The following GPR176 variants were observed in gnomAD, a reference collection of about 807,000 sequenced individuals.
The protein encoded by GPR176 is G-protein coupled receptor 176.
GPR176 carries 26 observed loss-of-function variants against 35.4 expected under a neutral mutation model. The ratio of observed to expected loss-of-function variants is 0.74; its 90% CI spans 0.54 to 1.02. The LOEUF is 1.02. Ranked by LOEUF, GPR176 falls within the 50% of genes least tolerant of loss-of-function variation. The pLI is 0.00. For missense variants in GPR176, 597 were observed against 665.3 expected (o/e 0.90, Z 1.13); for synonymous variants, 278 against 271.3 (o/e 1.02, Z -0.24).
intron 1 of GPR176, among the ~76,000 whole-genome samples, chr15:39,900,100 G>T (rs275725): frequency 0.4 from 61,327 of 151,710 alleles, 12,811 homozygotes; most frequent in African/African-American, 0.5. Context: ...ATTAAAACAT[G>T]TTAGTTAAAT....
Position 39,842,691 on chromosome 15 carries a change from C to G in GPR176, c.173-35433G>C, listed in dbSNP as rs192235050. Among the ~76,000 whole-genome samples, 42 of 152,254 alleles carry G rather than the reference C, an allele frequency of 2.8e-4. 2 individuals carry two copies. Among genetic ancestry groups the G allele is most frequent in the Admixed American group, 2.6e-3 (40 of 15,286 alleles). Reference sequence around the variant, plus strand: ...CATGGGCTCTCATCAGACACTGAATCTGCCTCTAAGATCAGACACTGATCT... The same window carrying G: ...CATGGGCTCTCATCAGACACTGAATGTGCCTCTAAGATCAGACACTGATCT... On this transcript the variant is annotated intron_variant, in intron 1 of 2. Coordinates refer to ENST00000561100, the MANE Select transcript of GPR176 (RefSeq NM_007223.3).
intron 1 of GPR176, among the ~76,000 whole-genome samples, chr15:39,848,211 A>G (rs577317473): frequency 6.6e-6 from 1 of 152,324 alleles, no homozygotes; most frequent in East Asian, 1.9e-4. Context: ...CAGAACAAAG[A>G]AAATTACCAG....
At chr15:39,894,167 C>T (rs1320979369) in intron 1 of GPR176, among the ~76,000 whole-genome samples, 1 of 127,778 alleles carries the variant, frequency 7.8e-6, no homozygotes, top group East Asian at 2.5e-4. Context: ...GATGGGGCGG[C>T]TGGCCTGGCA....
intron 1 of GPR176, among the ~76,000 whole-genome samples, chr15:39,857,009 G>A (rs2031265831): frequency 6.6e-6 from 1 of 152,118 alleles, no homozygotes; most frequent in South Asian, 2.1e-4. Context: ...TTGAGTTTGG[G>A]GAAGATTCCA....
chr15:39,848,197 AC>A (rs1181356844), intron 1 of GPR176, among the ~76,000 whole-genome samples: 2 of 152,184 alleles, frequency 1.3e-5, no homozygotes, highest in Non-Finnish European at 2.9e-5. Flanking sequence ...ATATCAATAG[AC>A]TTCAGAACAA....
At position 39,881,588 on chromosome 15, in the gene GPR176, A is replaced by G. The variant is rs79886926; in HGVS notation, c.172+38267T>C. 2.8e-3 allele frequency among the ~76,000 whole-genome samples: 424 copies of G among 152,342 alleles called. 18 individuals are homozygous for G. In the East Asian group the frequency reaches 0.071, roughly 26 times the overall value. The stretch of plus-strand genomic sequence containing the variant: ...TCATCACACTCACCACAATCTTAAA[A>G]GCAGTACTGAGTGCAACTGGTCCCT... On this transcript the variant is annotated intron_variant, in intron 1 of 2. Transcript: ENST00000561100.
intron 1 of GPR176, among the ~76,000 whole-genome samples, chr15:39,906,171 T>C (rs1216860584): frequency 6.6e-6 from 1 of 152,250 alleles, no homozygotes; most frequent in Non-Finnish European, 1.5e-5. Flanking sequence ...CTTTGACTTA[T>C]TTGTAAAACC....
chr15:39,883,078 A>T (rs1317892653), intron 1 of GPR176, among the ~76,000 whole-genome samples: 1 of 152,158 alleles, frequency 6.6e-6, no homozygotes, highest in Admixed American at 6.5e-5. Context: ...AGACTTGTAG[A>T]CTTCGTACGT....
intron 1 of GPR176, among the ~76,000 whole-genome samples, chr15:39,837,774 C>T (rs148763968): frequency 6.6e-6 from 1 of 152,040 alleles, no homozygotes; most frequent in Admixed American, 6.6e-5. Flanking sequence ...AGCTCATTAA[C>T]TCTTCAAGGA....
intron 1 of GPR176, among the ~76,000 whole-genome samples, chr15:39,822,597 C>T (rs1040110584): frequency 1.3e-5 from 2 of 152,192 alleles, no homozygotes; most frequent in Non-Finnish European, 2.9e-5. Context: ...TCAGATTTTA[C>T]TTACCCTTCC....
intron 1 of GPR176, among the ~76,000 whole-genome samples, chr15:39,848,164 G>C (rs560280552): frequency 2.0e-5 from 3 of 152,188 alleles, no homozygotes; most frequent in Admixed American, 6.5e-5. Context: ...CATGAGATTT[G>C]GGTAAGGACA....
At chr15:39,892,825 G>A (rs2032926333) in intron 1 of GPR176, among the ~76,000 whole-genome samples, 1 of 152,212 alleles carries the variant, frequency 6.6e-6, no homozygotes, top group Non-Finnish European at 1.5e-5. Context: ...TCTGGTCTCT[G>A]GAACTGTGAG....
intron 1 of GPR176, among the ~76,000 whole-genome samples, chr15:39,869,405 C>T (rs1416806881): frequency 2.0e-5 from 3 of 152,208 alleles, no homozygotes; most frequent in Admixed American, 6.5e-5. Flanking sequence ...CATGACATCG[C>T]TACCGAGCTG....
At chr15:39,811,881 A>G (rs1321282144) in intron 1 of GPR176, among the ~76,000 whole-genome samples, 2 of 150,804 alleles carry the variant, frequency 1.3e-5, no homozygotes, top group South Asian at 2.1e-4. Context: ...GCGCCATTGC[A>G]CTCCAGCCTG....
chr15:39,920,153 G>A lies in GPR176; in HGVS notation c.-127C>T. On this transcript the variant is annotated 5_prime_UTR_variant, in exon 1 of 3. Coordinates refer to ENST00000561100, the MANE Select transcript of GPR176 (RefSeq NM_007223.3). ...TCCTGGAGAAGCCGGAGCAGCCGACGGGTCCCCTCACGTCTCCACATCGCC... is the reference window on the plus strand; with the variant it reads ...TCCTGGAGAAGCCGGAGCAGCCGACAGGTCCCCTCACGTCTCCACATCGCC... The A allele has an allele frequency of 3.4e-6, 2 of 593,756 alleles. No individual in the cohort carries two copies. The highest frequency in any genetic ancestry group is 5.0e-6 in the Non-Finnish European group (2 of 398,748). The allele number at this position is 593,756 out of a possible 1,614,324, so 36.8% of individuals were successfully genotyped here.
intron 1 of GPR176, among the ~76,000 whole-genome samples, chr15:39,820,325 A>T (rs1315641870): frequency 1.3e-5 from 2 of 152,288 alleles, no homozygotes; most frequent in Admixed American, 1.3e-4. Flanking sequence ...CAGCAAGGTC[A>T]AGAATAGAAC....
chr15:39,883,101 ACT>A (rs61100838), intron 1 of GPR176, among the ~76,000 whole-genome samples: 2,026 of 152,204 alleles, frequency 0.013, 62 homozygotes, highest in African/African-American at 0.044. Context: ...TGAAACCCTG[ACT>A]CTGATTTTCA....
chr15:39,844,676 C>T (rs1163874932), intron 1 of GPR176, among the ~76,000 whole-genome samples: 1 of 152,058 alleles, frequency 6.6e-6, no homozygotes, highest in African/African-American at 2.4e-5. Context: ...CCATACTTTT[C>T]CTGGGTTTGC....
intron 1 of GPR176, among the ~76,000 whole-genome samples, chr15:39,892,242 T>C (rs1191644835): frequency 6.6e-6 from 1 of 152,202 alleles, no homozygotes; most frequent in African/African-American, 2.4e-5. Context: ...GAAAGAGCTA[T>C]TTCTTACTAT....
Sources: allele counts gnomAD v4.1 joint callset (sites outside exome capture counted in the v4.1 genomes callset), GRCh38; gene constraint gnomAD v4.1.1; transcripts MANE v1.5; gene names NCBI Gene and HGNC (gene_info 2026-07-23, HGNC 2026-07-21).